PDE1C: variants seen among roughly 807,000 people sequenced by gnomAD.
PDE1C encodes phosphodiesterase 1C.
Under a neutral mutation model 93.1 loss-of-function variants are expected in PDE1C, and 62 were observed. The observed-to-expected ratio is 0.67, with a 90% CI of 0.54 to 0.82. The LOEUF (loss-of-function observed/expected upper bound fraction) is 0.82. Among genes scored for constraint, PDE1C ranks in the 40% least tolerant of loss-of-function variants. The probability of loss-of-function intolerance (pLI) is 0.00; values close to 1 mark genes in which losing one functional copy is unlikely to be tolerated. For synonymous variants in PDE1C, 325 were observed against 310.1 expected (o/e 1.05, Z -0.50); for missense variants, 742 against 884.6 (o/e 0.84, Z 2.04).
At chr7:32,112,700 C>T (rs1485095568) in intron 3 of PDE1C, among the ~76,000 whole-genome samples, 1 of 151,342 alleles carries the variant, frequency 6.6e-6, no homozygotes, top group Non-Finnish European at 1.5e-5. Context: ...AGCAATTCTC[C>T]CATCCTGCCC....
At chr7:31,641,404 C>G in the PDE1C span, among the ~76,000 whole-genome samples, 1 of 152,142 alleles carries the variant, frequency 6.6e-6, no homozygotes, top group African/African-American at 2.4e-5. Context: ...CCTTGCAACC[C>G]CCTTCCTCCT....
At chr7:32,112,888 T>C (rs2128757419) in intron 3 of PDE1C, among the ~76,000 whole-genome samples, 1 of 144,574 alleles carries the variant, frequency 6.9e-6, no homozygotes, top group African/African-American at 2.6e-5. Flanking sequence ...AACTCCTGCC[T>C]GCTTCTTGGT....
chr7:32,179,022 A>G (rs1803199217), intron 2 of PDE1C, among the ~76,000 whole-genome samples: 1 of 152,198 alleles, frequency 6.6e-6, no homozygotes, highest in Non-Finnish European at 1.5e-5. Flanking sequence ...TAAGACTCCA[A>G]GAAATCAAAT....
At chr7:31,799,756 G>A (rs953142220) in intron 16 of PDE1C, among the ~76,000 whole-genome samples, 2 of 151,610 alleles carry the variant, frequency 1.3e-5, no homozygotes, top group Non-Finnish European at 3.0e-5. Context: ...AAACTAACAA[G>A]AATACTGGCT....
the PDE1C span, among the ~76,000 whole-genome samples, chr7:31,736,020 C>A: frequency 6.6e-6 from 1 of 152,210 alleles, no homozygotes; most frequent in African/African-American, 2.4e-5. Flanking sequence ...TTCAACAGTG[C>A]ATTGCTGTGT....
At chr7:32,398,856 G>A (rs1585142710) in intron 1 of PDE1C, among the ~76,000 whole-genome samples, 1 of 152,008 alleles carries the variant, frequency 6.6e-6, no homozygotes, top group Non-Finnish European at 1.5e-5. Flanking sequence ...GACCATAAAG[G>A]TCAGCCTCCC....
chr7:31,723,319 C>T, the PDE1C span, among the ~76,000 whole-genome samples: 1 of 152,134 alleles, frequency 6.6e-6, no homozygotes, highest in Non-Finnish European at 1.5e-5. Flanking sequence ...CATATATGAG[C>T]TCGTATTCCC....
intron 2 of PDE1C, among the ~76,000 whole-genome samples, chr7:31,998,624 G>A (rs552606771): frequency 6.6e-6 from 1 of 152,236 alleles, no homozygotes; most frequent in Non-Finnish European, 1.5e-5. Context: ...CAGTTAAAGG[G>A]ACAGAAGCAG....
chr7:32,083,243 G>T (rs1796830624), intron 3 of PDE1C, among the ~76,000 whole-genome samples: 4 of 151,620 alleles, frequency 2.6e-5, no homozygotes, highest in Admixed American at 2.6e-4. Context: ...CTGGAAGAAA[G>T]GGTATCAGTG....
chr7:32,181,030 G>A (rs1282538397), intron 2 of PDE1C, among the ~76,000 whole-genome samples: 1 of 152,204 alleles, frequency 6.6e-6, no homozygotes. Context: ...GAAACTGGAT[G>A]TGAAATGAAG....
intron 1 of PDE1C, among the ~76,000 whole-genome samples, chr7:32,226,360 TC>T (rs200844512): frequency 0.018 from 2,753 of 152,314 alleles, 35 homozygotes; most frequent in Middle Eastern, 0.031. Context: ...CAAAGGGACT[TC>T]CTGACACACT....
rs1170286556 is a variant in PDE1C at position 32,420,287 on chromosome 7, G to GTA, written c.310+7533_310+7534dup. Among the ~76,000 whole-genome samples the GTA allele has an allele frequency of 7.5e-5, 2 of 26,508 alleles. 1 individual carries two copies. Among genetic ancestry groups the GTA allele is most frequent in the Non-Finnish European group, 1.5e-4 (2 of 13,148 alleles). The allele number at this position is 26,508 out of a possible 152,430, so 17.4% of individuals were successfully genotyped here. ...TATATATGTGTATATATATACATGTGTATATATATGTGTATATATATACAT... is the reference window on the plus strand; with the variant it reads ...TATATATGTGTATATATATACATGTGTATATATATATGTGTATATATATACAT... On this transcript the variant is annotated intron_variant, in intron 1 of 1. Transcript: ENST00000672256.
At chr7:31,896,710 C>G (rs1799369251) in intron 2 of PDE1C, among the ~76,000 whole-genome samples, 1 of 152,158 alleles carries the variant, frequency 6.6e-6, no homozygotes, top group East Asian at 1.9e-4. Context: ...TTTTAAAGTA[C>G]AGAAACCAAG....
chr7:31,813,866 C>A (rs1214584909), intron 15 of PDE1C, among the ~76,000 whole-genome samples: 2 of 151,948 alleles, frequency 1.3e-5, no homozygotes, highest in African/African-American at 4.8e-5. Context: ...ATTTTTGCAT[C>A]CTCATAGCTT....
At chr7:32,065,126 T>C (rs1563274027) in intron 1 of PDE1C, among the ~76,000 whole-genome samples, 1 of 151,754 alleles carries the variant, frequency 6.6e-6, no homozygotes, top group Non-Finnish European at 1.5e-5. Context: ...CCATGTTGCA[T>C]GACAGCAAAC....
At chr7:32,362,683 C>A (rs1406873000) in intron 1 of PDE1C, among the ~76,000 whole-genome samples, 2 of 152,180 alleles carry the variant, frequency 1.3e-5, no homozygotes, top group East Asian at 3.9e-4. Flanking sequence ...CTTGTACACA[C>A]CCTCCTCTCC....
intron 1 of PDE1C, among the ~76,000 whole-genome samples, chr7:32,312,160 T>C (rs1783060561): frequency 6.6e-6 from 1 of 152,120 alleles, no homozygotes; most frequent in Non-Finnish European, 1.5e-5. Context: ...TTACAATTGC[T>C]TCAAAGAGAA....
At chr7:31,734,871 A>G in the PDE1C span, among the ~76,000 whole-genome samples, 1 of 152,210 alleles carries the variant, frequency 6.6e-6, no homozygotes, top group South Asian at 2.1e-4. Context: ...GGACCTAATA[A>G]CTTAAAAAGT....
At chr7:32,139,975 G>A (rs956541129) in intron 3 of PDE1C, among the ~76,000 whole-genome samples, 4 of 152,096 alleles carry the variant, frequency 2.6e-5, no homozygotes, top group Non-Finnish European at 5.9e-5. Flanking sequence ...GGCATTGGAT[G>A]ACAATGCTCA....
Sources: allele counts gnomAD v4.1 joint callset (sites outside exome capture counted in the v4.1 genomes callset), GRCh38; gene constraint gnomAD v4.1.1; transcripts MANE v1.5; gene names NCBI Gene and HGNC (gene_info 2026-07-23, HGNC 2026-07-21).